TVP23C: variants seen among roughly 807,000 people sequenced by gnomAD.
TVP23C encodes trans-golgi network vesicle protein 23 homolog C, also known as Golgi apparatus membrane protein TVP23 homolog C.
In TVP23C, 19 loss-of-function variants were observed where a neutral mutation model predicts 28.7. That is an observed-to-expected ratio of 0.66 (90% CI 0.46 to 0.97). The LOEUF (loss-of-function observed/expected upper bound fraction) is 0.97, where lower values mean the gene tolerates loss of function less well. Among genes scored for constraint, TVP23C ranks in the 50% least tolerant of loss-of-function variants. The pLI is 0.00. For missense variants in TVP23C, 186 were observed against 241.3 expected (o/e 0.77, Z 1.52); for synonymous variants, 68 against 81.7 (o/e 0.83, Z 0.90).
intron 5 of TVP23C, among the ~76,000 whole-genome samples, chr17:15,512,721 A>G (rs1390570951): frequency 6.6e-6 from 1 of 152,254 alleles, no homozygotes; most frequent in African/African-American, 2.4e-5. Flanking sequence ...TTACAGATAT[A>G]TAGTTCAGAT....
chr17:15,536,233 C>A (rs1378831114), downstream of TVP23C, among the ~76,000 whole-genome samples: 2 of 152,132 alleles, frequency 1.3e-5, no homozygotes. Context: ...CTACTATACC[C>A]ACAAGATGGG....
intron 5 of TVP23C, among the ~76,000 whole-genome samples, chr17:15,508,905 G>A (rs999793213): frequency 6.6e-6 from 1 of 152,146 alleles, no homozygotes; most frequent in African/African-American, 2.4e-5. Flanking sequence ...CACTTGCCAG[G>A]GGGAAAGACC....
intron 5 of TVP23C, among the ~76,000 whole-genome samples, chr17:15,511,812 T>C (rs985435869): frequency 2.6e-5 from 4 of 152,238 alleles, no homozygotes; most frequent in Admixed American, 2.6e-4. Context: ...TAATGTGATA[T>C]GATCTCATGA....
intron 5 of TVP23C, 144 bp downstream of exon 5, chr17:15,545,641 G>C: frequency 8.0e-7 from 1 of 1,257,386 alleles, no homozygotes; most frequent in South Asian, 2.1e-5. Context: ...GGTAAAGTTG[G>C]GAAGCAAAAC....
intron 3 of TVP23C, among the ~76,000 whole-genome samples, chr17:15,550,062 T>C (rs1337363255): frequency 3.3e-5 from 5 of 152,246 alleles, no homozygotes; most frequent in Non-Finnish European, 4.4e-5. Context: ...TCTTTATTAG[T>C]TTATTTTCCT....
intron 3 of TVP23C, among the ~76,000 whole-genome samples, chr17:15,551,814 G>GT (rs956773316): frequency 5.9e-5 from 9 of 151,938 alleles, no homozygotes; most frequent in Non-Finnish European, 1.0e-4. Context: ...TTGATTTTTT[G>GT]TTTTTTTAGT....
chr17:15,502,686 C>T, exon 6 of TVP23C: 4 of 1,101,018 alleles, frequency 3.6e-6, no homozygotes, highest in Non-Finnish European at 4.9e-6. Flanking sequence ...CTTAGTTTTA[C>T]AAGTTCCCTG....
intron 1 of TVP23C, chr17:15,562,652 C>T (rs1984451845): frequency 6.6e-6 from 1 of 152,260 alleles, no homozygotes. Flanking sequence ...GTTGTCCTAT[C>T]CTCGGACACT....
chr17:15,556,707 C>G (rs183436006), intron 1 of TVP23C, among the ~76,000 whole-genome samples: 68 of 152,262 alleles, frequency 4.5e-4, no homozygotes, highest in African/African-American at 1.5e-3. Flanking sequence ...TGCAATTCCC[C>G]TCAACTACAA....
intron 5 of TVP23C, among the ~76,000 whole-genome samples, chr17:15,523,669 A>C (rs1211814077): frequency 3.3e-5 from 5 of 149,636 alleles, no homozygotes; most frequent in African/African-American, 1.2e-4. Context: ...GCTAGAGTGC[A>C]GTGGTGCAAT....
intron 5 of TVP23C, among the ~76,000 whole-genome samples, chr17:15,511,007 T>C (rs974119660): frequency 6.9e-6 from 1 of 145,712 alleles, no homozygotes; most frequent in Non-Finnish European, 1.5e-5. Context: ...TAAGCTGAGA[T>C]TGCACCATTG....
At chr17:15,505,536 G>A (rs1981685261) in intron 5 of TVP23C, among the ~76,000 whole-genome samples, 1 of 152,190 alleles carries the variant, frequency 6.6e-6, no homozygotes, top group African/African-American at 2.4e-5. Flanking sequence ...CAGCGTGCTG[G>A]CAGTCCTCAG....
At position 15,538,547 on chromosome 17, in the gene TVP23C, G is replaced by A. The variant is rs1030295692; in HGVS notation, c.*1865C>T. On this transcript the variant is annotated 3_prime_UTR_variant, in exon 6 of 6. Transcript: ENST00000518321. ...GGAGTTTGCAGTGAGCCGAGATCGC[G>A]CCACTGCACTCCAGCCTGGGCAAAC... 2.7e-5 allele frequency: 25 copies of A among 919,330 alleles called. No individual in the cohort carries two copies. Among genetic ancestry groups the A allele is most frequent in the African/African-American group, 1.6e-4 (9 of 55,824 alleles). The allele number at this position is 919,330 out of a possible 1,614,324, so 56.9% of individuals were successfully genotyped here. A position where few individuals can be genotyped will look rare whatever the true frequency, so the allele number is the denominator to read the frequency against.
Position 15,538,665 on chromosome 17 carries a change from GTCCA to G in TVP23C, c.*1743_*1746del. 1.0e-6 allele frequency: 1 copy of G among 985,388 alleles called. No individual in the cohort carries two copies. The highest frequency in any genetic ancestry group is 1.2e-6 in the Non-Finnish European group (1 of 829,928). The allele number at this position is 985,388 out of a possible 1,614,324, so 61.0% of individuals were successfully genotyped here. On this transcript the variant is annotated 3_prime_UTR_variant, in exon 6 of 6. Transcript: ENST00000518321. The stretch of plus-strand genomic sequence containing the variant: ...CATGGATACCATCATCCACCCAGCT[GTCCA>G]GTTTGTCTCATTTGAGCAGACGCCG...
rs140129867 is a variant in TVP23C, at chr17:15,513,827, T to C, written c.463-10595A>G. Among the ~76,000 whole-genome samples, 932 of 152,304 alleles carry C rather than the reference T, an allele frequency of 6.1e-3. 16 individuals carry two copies. Among genetic ancestry groups the C allele is most frequent in the African/African-American group, 0.021 (879 of 41,566 alleles). ...CCGGCTCCATGCAACCTTTCCCTAA[T>C]TCACATTAAAATAACACAGAAACAT... is the stretch of plus-strand genomic sequence containing the variant. On this transcript the variant is annotated intron_variant, in intron 5 of 5. Transcript: ENST00000225576.
At position 15,527,331 on chromosome 17, in the gene TVP23C, C is replaced by G. The variant is rs139728071; in HGVS notation, c.462+18454G>C. 1.9e-4 allele frequency among the ~76,000 whole-genome samples: 29 copies of G among 152,208 alleles called. 1 individual carries two copies. In the East Asian group the frequency reaches 5.6e-3, roughly 29 times the overall value. On this transcript the variant is annotated intron_variant, in intron 5 of 5. Transcript: ENST00000225576. ...ATTTTGTTTAAAGTTTTACTTCTAT[C>G]ATCTTTAACTTGTTCTAAACAAAAT...
At chr17:15,504,333 G>A (rs569691279) in intron 5 of TVP23C, among the ~76,000 whole-genome samples, 46 of 152,300 alleles carry the variant, frequency 3.0e-4, no homozygotes, top group African/African-American at 9.6e-4. Context: ...GGGGTTTGGT[G>A]ACACAGAGGC....
chr17:15,529,262 G>T (rs560596991), intron 5 of TVP23C, among the ~76,000 whole-genome samples: 1 of 152,014 alleles, frequency 6.6e-6, no homozygotes, highest in Non-Finnish European at 1.5e-5. Context: ...GACCAGCCTG[G>T]CCAACATGGT....
At chr17:15,504,266 C>G (rs549738757) in intron 5 of TVP23C, among the ~76,000 whole-genome samples, 3 of 152,334 alleles carry the variant, frequency 2.0e-5, no homozygotes, top group South Asian at 4.1e-4. Flanking sequence ...GGGTTTCACA[C>G]CCTTTCTCCC....
Sources: gnomAD v4.1 joint callset for allele counts (sites outside exome capture counted in the v4.1 genomes callset) on GRCh38, gnomAD v4.1.1 for gene constraint, MANE v1.5 for transcripts, NCBI Gene and HGNC (gene_info 2026-07-23, HGNC 2026-07-21) for gene names.